Variants in LIN54 observed in about 807,000 individuals in gnomAD.
The protein encoded by LIN54 is lin-54 DREAM MuvB core complex component.
Under a neutral mutation model 78.7 loss-of-function variants are expected in LIN54, and 9 were observed. The observed-to-expected ratio is 0.11, with a 90% CI of 0.07 to 0.20. The LOEUF (loss-of-function observed/expected upper bound fraction) is 0.20. Ranked by LOEUF, LIN54 falls within the 10% of genes least tolerant of loss-of-function variation. The probability of loss-of-function intolerance (pLI) is 1.00; values close to 1 mark genes in which losing one functional copy is unlikely to be tolerated. For missense variants in LIN54, 573 were observed against 889.9 expected, an observed-to-expected ratio of 0.64 and a Z score of 4.53; for synonymous variants, 269 against 318.4, an observed-to-expected ratio of 0.84 and a Z score of 1.65.
Position 82,936,301 on chromosome 4 carries a change from T to C in LIN54, c.1685A>G (p.Asn562Ser). 1.3e-6 allele frequency: 2 copies of C among 1,571,556 alleles called. No individual in the cohort carries two copies. Among genetic ancestry groups the C allele is most frequent in the Non-Finnish European group, 1.7e-6 (2 of 1,153,746 alleles). Residue 562 changes from asparagine (N) to serine (S), a missense_variant, in exon 10 of 13, where the codon AAT becomes AGT. Asn to Ser is a conservative substitution (Grantham distance 46, BLOSUM62 1). Around this residue, in one of 6 missense-constraint regions of LIN54, gnomAD observed 101 missense variants for 194.2 expected, o/e 0.52. Transcript: ENST00000340417. ...CACCTTTATTGCTTTTTGCCTTTCA[T>C]TTTCATGTTCCAAATTGTTGTAACA... ...TNCYNNLEHENERQKAIKACL... is the reference protein window; with the variant it reads ...TNCYNNLEHESERQKAIKACL...
intron 1 of LIN54, among the ~76,000 whole-genome samples, chr4:82,993,463 C>G (rs1360292366): frequency 2.0e-5 from 3 of 151,990 alleles, no homozygotes; most frequent in African/African-American, 7.2e-5. Flanking sequence ...GGTGATCCGC[C>G]TGCCTCGGCC....
chr4:82,929,669 C>G (rs9759832), intron 12 of LIN54, among the ~76,000 whole-genome samples: 148,942 of 151,842 alleles, frequency 0.98, 73,117 homozygotes, highest in East Asian at 1. Context: ...AGCTGGGCGT[C>G]GTGGTGTATG....
rs188609568 is a variant in LIN54, at chr4:82,959,722, T to C, written c.951+10605A>G. Among the ~76,000 whole-genome samples, 146 of 152,312 alleles carry C rather than the reference T, an allele frequency of 9.6e-4. 1 individual carries two copies. Among genetic ancestry groups the C allele is most frequent in the Middle Eastern group, 3.4e-3 (1 of 294 alleles). On this transcript the variant is annotated intron_variant, in intron 4 of 12. Transcript: ENST00000340417. ...AAATTACTTCTTGTGTCCACAGATA[T>C]TACATGTAGCTAGAGTAAGAACTCA...
chr4:82,988,298 G>A (rs1049918784), intron 1 of LIN54, among the ~76,000 whole-genome samples: 2 of 152,096 alleles, frequency 1.3e-5, no homozygotes, highest in South Asian at 4.1e-4. Flanking sequence ...TATGGTATGA[G>A]TTTTTTCTCT....
Position 82,984,637 on chromosome 4 carries a change from T to G in LIN54, c.208A>C (p.Ser70Arg). 6.2e-7 allele frequency: 1 copy of G among 1,614,184 alleles called. No homozygotes were observed. Among genetic ancestry groups the G allele is most frequent in the Non-Finnish European group, 8.5e-7 (1 of 1,179,982 alleles). ...PISTEPITVY[S>R]NHTNQVAVNT... ...ACTGCAACTTGGTTAGTGTGGTTACTGTACACTGTGATTGGTTCCGTGGAA... is the reference window on the plus strand; with the variant it reads ...ACTGCAACTTGGTTAGTGTGGTTACGGTACACTGTGATTGGTTCCGTGGAA... Residue 70 changes from serine to arginine, a missense_variant, in exon 2 of 13, where the codon AGT (serine) becomes CGT (arginine). Physicochemically the swap from Ser to Arg is moderately radical, Grantham distance 110 (BLOSUM62 -1). Coordinates refer to ENST00000340417, the MANE Select transcript of LIN54 (RefSeq NM_194282.4).
intron 1 of LIN54, among the ~76,000 whole-genome samples, chr4:82,996,738 C>A (rs1048716781): frequency 2.0e-5 from 3 of 151,970 alleles, no homozygotes; most frequent in African/African-American, 7.2e-5. Flanking sequence ...AATAAAAGTT[C>A]TAAAGGCAAA....
chr4:82,989,810 C>T (rs1727506824), intron 1 of LIN54, among the ~76,000 whole-genome samples: 1 of 152,198 alleles, frequency 6.6e-6, no homozygotes, highest in East Asian at 1.9e-4. Flanking sequence ...CTCAACCAAA[C>T]TTCTAAGGTT....
intron 1 of LIN54, among the ~76,000 whole-genome samples, chr4:82,993,799 A>C (rs557227392): frequency 6.6e-6 from 1 of 152,008 alleles, no homozygotes. Context: ...TATTTTTAGC[A>C]GAGATGGGGT....
chr4:82,984,829 C>T lies in LIN54; in HGVS notation c.16G>A (p.Ala6Thr), dbSNP rs750594610. The T allele has an allele frequency of 1.9e-6, 3 of 1,609,612 alleles. No individual in the cohort carries two copies. Among genetic ancestry groups the T allele is most frequent in the Admixed American group, 1.7e-5 (1 of 59,892 alleles). The change falls in exon 2 of 13, where the codon GCT (alanine) becomes ACT (threonine). Residue 6 changes from alanine to threonine, a missense_variant. Ala to Thr is a moderately conservative substitution (Grantham distance 58, BLOSUM62 0). Around this residue, in one of 6 missense-constraint regions of LIN54, gnomAD observed 183 missense variants for 228.4 expected, o/e 0.80. Coordinates refer to ENST00000340417, the MANE Select transcript of LIN54 (RefSeq NM_194282.4). Reference sequence around the variant, plus strand: ...TCTGGAAGCAAACTATTCACCTCAGCTGGCACCACCTCCATGATCGTTCTC... The same window carrying T: ...TCTGGAAGCAAACTATTCACCTCAGTTGGCACCACCTCCATGATCGTTCTC... MEVVP[A>T]EVNSLLPEEI...
At chr4:82,985,360 C>A (rs536977489) in intron 1 of LIN54, among the ~76,000 whole-genome samples, 96 of 152,270 alleles carry the variant, frequency 6.3e-4, no homozygotes, top group South Asian at 1.7e-3. Flanking sequence ...AGTGTACTAT[C>A]CCATTTTAAA....
chr4:82,983,657 T>TCTTTTCCATGTTTCC (rs1726880968), intron 2 of LIN54, among the ~76,000 whole-genome samples: 1 of 152,120 alleles, frequency 6.6e-6, no homozygotes, highest in African/African-American at 2.4e-5. Flanking sequence ...TTTTCCATAG[T>TCTTTTCCATGTTTCC]ACAAACATGA....
At chr4:83,004,574 C>G (rs1422778254) in intron 1 of LIN54, among the ~76,000 whole-genome samples, 3 of 152,094 alleles carry the variant, frequency 2.0e-5, no homozygotes, top group African/African-American at 7.2e-5. Flanking sequence ...ACTGCAGCCT[C>G]GGACACCTGG....
chr4:82,930,880 T>C (rs1346100580), intron 12 of LIN54, 63 bp downstream of exon 12: 1 of 1,512,424 alleles, frequency 6.6e-7, no homozygotes. Context: ...CTTTGCCCCC[T>C]GAAAAGAAAC....
intron 2 of LIN54, among the ~76,000 whole-genome samples, chr4:82,981,278 T>C (rs1041073302): frequency 6.6e-6 from 1 of 152,216 alleles, no homozygotes; most frequent in Non-Finnish European, 1.5e-5. Context: ...TGTACTACTC[T>C]TATATACTAT....
At chr4:82,932,825 CA>C (rs1221962404) in intron 11 of LIN54, among the ~76,000 whole-genome samples, 1 of 151,528 alleles carries the variant, frequency 6.6e-6, no homozygotes, top group Non-Finnish European at 1.5e-5. Context: ...AACACCATCT[CA>C]AAAAAATATA....
intron 4 of LIN54, among the ~76,000 whole-genome samples, chr4:82,947,811 C>T (rs550276827): frequency 1.3e-5 from 2 of 152,084 alleles, no homozygotes; most frequent in African/African-American, 4.8e-5. Context: ...TCCTCACCTA[C>T]TCTATAAAAA....
intron 7 of LIN54, among the ~76,000 whole-genome samples, 195 bp from the exon 8 acceptor site, chr4:82,938,699 T>A (rs2126035685): frequency 6.6e-6 from 1 of 152,314 alleles, no homozygotes; most frequent in East Asian, 1.9e-4. Flanking sequence ...AATGTGAACA[T>A]TTTACAGTAC....
Position 82,973,045 on chromosome 4 carries a change from A to C in LIN54, c.809-2576T>G, listed in dbSNP as rs755629390. 2.6e-5 allele frequency among the ~76,000 whole-genome samples: 4 copies of C among 152,110 alleles called. 1 individual carries two copies. Among genetic ancestry groups the C allele is most frequent in the Non-Finnish European group, 5.9e-5 (4 of 68,026 alleles). ...GGCAACTTGATGTTAATTCACTTAA[A>C]ACAGGAACAAAAGTTTCATTATAAA... On this transcript the variant is annotated intron_variant, in intron 3 of 12. Coordinates refer to ENST00000340417, the MANE Select transcript of LIN54 (RefSeq NM_194282.4).
chr4:82,930,876 C>G, intron 12 of LIN54, 67 bp downstream of exon 12: 1 of 1,437,798 alleles, frequency 7.0e-7, no homozygotes, highest in Non-Finnish European at 9.7e-7. Flanking sequence ...TCAACTTTGC[C>G]CCCTGAAAAG....
Sources: gnomAD v4.1 joint callset for allele counts (sites outside exome capture counted in the v4.1 genomes callset) on GRCh38, gnomAD v4.1.1 for gene constraint, gnomAD v4.1.1 regional missense constraint, MANE v1.5 for transcripts, NCBI Gene and HGNC (gene_info 2026-07-23, HGNC 2026-07-21) for gene names.